Variants in CACNB2 observed in about 807,000 individuals in gnomAD.
CACNB2 encodes voltage-dependent L-type calcium channel subunit beta-2.
Under a neutral mutation model 73.3 loss-of-function variants are expected in CACNB2, and 42 were observed. The observed-to-expected ratio is 0.57, with a 90% confidence interval of 0.45 to 0.74. The LOEUF is 0.74. Among genes scored for constraint, CACNB2 ranks in the 30% least tolerant of loss-of-function variants. CACNB2 has a pLI of 0.00. For missense variants in CACNB2, 940 were observed against 853.0 expected, an observed-to-expected ratio of 1.10 and a Z score of -1.27; for synonymous variants, 348 against 310.3, an observed-to-expected ratio of 1.12 and a Z score of -1.28.
chr10:18,539,803 G>T lies in CACNB2; in HGVS notation c.*79G>T. On this transcript the variant is annotated 3_prime_UTR_variant, in exon 14 of 14. Coordinates refer to ENST00000324631, the MANE Select transcript of CACNB2 (RefSeq NM_201596.3). ...CAGCATCCCCAAAACAAAGTCTTTG[G>T]GGTCTACACTGCAATCATATGTGAT... The T allele has an allele frequency of 1.4e-6, 2 of 1,390,900 alleles. No homozygotes were observed. 86.2% of individuals were successfully genotyped at this position (1,390,900 alleles called of 1,614,324 possible). A position where few individuals can be genotyped will look rare whatever the true frequency, so the allele number is the denominator to read the frequency against.
chr10:18,505,486 C>A (rs576449161), intron 5 of CACNB2, among the ~76,000 whole-genome samples: 1 of 152,132 alleles, frequency 6.6e-6, no homozygotes. Context: ...GTAGCAATAA[C>A]ATTCAGCCTG....
chr10:18,203,301 C>T (rs1368884471), intron 2 of CACNB2, among the ~76,000 whole-genome samples: 1 of 152,162 alleles, frequency 6.6e-6, no homozygotes, highest in Non-Finnish European at 1.5e-5. Context: ...GGCAACTTTA[C>T]AAGCCGGGCA....
intron 2 of CACNB2, among the ~76,000 whole-genome samples, chr10:18,233,490 T>C (rs2036303995): frequency 1.3e-5 from 2 of 152,142 alleles, no homozygotes; most frequent in South Asian, 4.1e-4. Context: ...AGGTTTCTTT[T>C]TGTTAGGTTA....
intron 2 of CACNB2, among the ~76,000 whole-genome samples, chr10:18,213,250 C>T (rs1408728222): frequency 6.6e-6 from 1 of 152,194 alleles, no homozygotes; most frequent in Non-Finnish European, 1.5e-5. Context: ...AGAGACTCAA[C>T]TCAGGAAAGC....
intron 2 of CACNB2, among the ~76,000 whole-genome samples, chr10:18,328,591 G>T (rs2040675881): frequency 6.6e-6 from 1 of 152,088 alleles, no homozygotes; most frequent in Admixed American, 6.6e-5. Flanking sequence ...CTGCTTACTA[G>T]GGTTCAATTC....
intron 3 of CACNB2, among the ~76,000 whole-genome samples, chr10:18,460,712 G>A (rs965718787): frequency 5.3e-5 from 8 of 151,922 alleles, no homozygotes; most frequent in African/African-American, 1.9e-4. Flanking sequence ...ACAATGTAGT[G>A]AAACCCCATC....
chr10:18,535,108 T>C (rs962630848), intron 11 of CACNB2, among the ~76,000 whole-genome samples: 6 of 152,228 alleles, frequency 3.9e-5, no homozygotes, highest in African/African-American at 1.4e-4. Context: ...TATGTCAACA[T>C]TTGGAAGATC....
rs2044010773 is a variant in CACNB2, at chr10:18,401,806, C to T, written c.214-118C>T. On this transcript the variant is annotated intron_variant, in intron 2 of 13. Coordinates refer to ENST00000324631, the MANE Select transcript of CACNB2 (RefSeq NM_201596.3). ...AGGTTGCTGCAAAATGAATTATTTT[C>T]TCCTCTTTTCAGGAAAGTATAGAAC... is the stretch of plus-strand genomic sequence containing the variant. 5.0e-6 allele frequency: 5 copies of T among 996,296 alleles called. No individual in the cohort carries two copies. The South Asian group carries it at 6.6e-5, about 13-fold the overall frequency. 61.7% of individuals were successfully genotyped at this position (996,296 alleles called of 1,614,324 possible).
intron 3 of CACNB2, among the ~76,000 whole-genome samples, chr10:18,464,727 T>C (rs2047782304): frequency 6.6e-6 from 1 of 152,242 alleles, no homozygotes. Context: ...GCTTCTGCTC[T>C]TATTCCTTTC....
intron 2 of CACNB2, among the ~76,000 whole-genome samples, chr10:18,286,551 A>AG (rs2038812119): frequency 7.1e-6 from 1 of 141,320 alleles, no homozygotes; most frequent in Non-Finnish European, 1.5e-5. Flanking sequence ...AAAAAAAAAA[A>AG]GGAACATTAC....
At chr10:18,493,900 C>T (rs780974634) in intron 3 of CACNB2, among the ~76,000 whole-genome samples, 4 of 152,160 alleles carry the variant, frequency 2.6e-5, no homozygotes, top group Non-Finnish European at 4.4e-5. Flanking sequence ...ATCTGTCCCC[C>T]GCATCCCTTG....
intron 2 of CACNB2, among the ~76,000 whole-genome samples, chr10:18,399,194 G>A (rs528152673): frequency 2.0e-5 from 3 of 152,188 alleles, no homozygotes; most frequent in African/African-American, 7.2e-5. Context: ...GCCCCTTATG[G>A]GGTATAATTA....
intron 10 of CACNB2, among the ~76,000 whole-genome samples, chr10:18,529,672 A>C (rs1296930131): frequency 1.3e-5 from 2 of 152,234 alleles, no homozygotes; most frequent in African/African-American, 4.8e-5. Context: ...TATTGTTTTA[A>C]AAAGAAGGAC....
intron 2 of CACNB2, among the ~76,000 whole-genome samples, chr10:18,184,536 C>T (rs1435513360): frequency 6.6e-6 from 1 of 151,796 alleles, no homozygotes; most frequent in Non-Finnish European, 1.5e-5. Flanking sequence ...CAAATTTTCT[C>T]AGTTTTTCCT....
intron 2 of CACNB2, among the ~76,000 whole-genome samples, chr10:18,198,482 G>T (rs543768807): frequency 6.6e-6 from 1 of 152,174 alleles, no homozygotes; most frequent in Admixed American, 6.5e-5. Context: ...GCCTTGTTCT[G>T]TTCCTTTCCA....
chr10:18,439,825 G>T (rs1456177195), intron 3 of CACNB2, among the ~76,000 whole-genome samples: 2 of 152,158 alleles, frequency 1.3e-5, no homozygotes, highest in Non-Finnish European at 2.9e-5. Flanking sequence ...CTGCATGCCA[G>T]TGATCTCCCA....
intron 2 of CACNB2, among the ~76,000 whole-genome samples, chr10:18,154,457 C>CT (rs140815932): frequency 3.2e-4 from 47 of 148,938 alleles, no homozygotes; most frequent in African/African-American, 6.4e-4. Flanking sequence ...GGACTGTTAT[C>CT]TTTTTTTTTT....
chr10:18,398,076 C>T lies in CACNB2; in HGVS notation c.214-3848C>T, dbSNP rs140271617. 2.8e-3 allele frequency among the ~76,000 whole-genome samples: 429 copies of T among 152,286 alleles called. 3 individuals are homozygous for T. Among genetic ancestry groups the T allele is most frequent in the Middle Eastern group, 6.8e-3 (2 of 294 alleles). On this transcript the variant is annotated intron_variant, in intron 2 of 13. Transcript: ENST00000324631. ...ACCTATTCCGGAGTTATGGAAACGA[C>T]CGCCAGCTGTTCCTGACTGAAGACT...
chr10:18,307,288 C>G (rs748578532), intron 2 of CACNB2, among the ~76,000 whole-genome samples: 13 of 152,082 alleles, frequency 8.5e-5, no homozygotes, highest in Non-Finnish European at 1.8e-4. Flanking sequence ...TTAGTGAAAC[C>G]CTGTCTCTAC....
Sources: gnomAD v4.1 joint callset for allele counts (sites outside exome capture counted in the v4.1 genomes callset) on GRCh38, gnomAD v4.1.1 for gene constraint, MANE v1.5 for transcripts, NCBI Gene and HGNC (gene_info 2026-07-23, HGNC 2026-07-21) for gene names.